PDLIM5: variants seen among roughly 807,000 people sequenced by gnomAD.
PDLIM5 encodes PDZ and LIM domain protein 5.
A neutral mutation model predicts 64.2 loss-of-function variants in PDLIM5; 34 were observed. That is an observed-to-expected ratio of 0.53 (90% confidence interval 0.40 to 0.71). The LOEUF is 0.71. PDLIM5 is among the 30% of genes least tolerant of loss of function. The pLI is 0.00. For synonymous variants in PDLIM5, 253 were observed against 269.1 expected, an observed-to-expected ratio of 0.94 and a Z score of 0.59; for missense variants, 683 against 733.6, an observed-to-expected ratio of 0.93 and a Z score of 0.80.
At chr4:94,455,855 T>G (rs1400764664) in intron 2 of PDLIM5, 1 of 1,386,916 alleles carries the variant, frequency 7.2e-7, no homozygotes, top group Non-Finnish European at 9.9e-7. Flanking sequence ...AACAGTAAGA[T>G]GGCCAAAAGC....
At chr4:94,496,801 C>T (rs1727442168) in intron 2 of PDLIM5, among the ~76,000 whole-genome samples, 1 of 152,200 alleles carries the variant, frequency 6.6e-6, no homozygotes, top group Admixed American at 6.5e-5. Flanking sequence ...CCCAGATGCA[C>T]ATTTGACCTA....
intron 3 of PDLIM5, among the ~76,000 whole-genome samples, chr4:94,560,392 T>C (rs1393730620): frequency 6.6e-6 from 1 of 152,206 alleles, no homozygotes; most frequent in African/African-American, 2.4e-5. Context: ...ACCTGAATTA[T>C]TTCATTTCTC....
At chr4:94,530,761 C>T (rs573541713) in intron 3 of PDLIM5, among the ~76,000 whole-genome samples, 455 of 152,090 alleles carry the variant, frequency 3.0e-3, no homozygotes, top group Non-Finnish European at 4.8e-3. Flanking sequence ...AAAAGATTGC[C>T]AGAGGTCCAA....
chr4:94,641,726 C>T (rs17021918), intron 9 of PDLIM5, among the ~76,000 whole-genome samples: 45,484 of 151,968 alleles, frequency 0.3, 7,112 homozygotes, highest in Non-Finnish European at 0.35. Context: ...TTGTATTTTT[C>T]AGAGTGAGCA....
At chr4:94,647,382 CAAA>C (rs76169283) in intron 9 of PDLIM5, among the ~76,000 whole-genome samples, 1 of 150,866 alleles carries the variant, frequency 6.6e-6, no homozygotes, top group African/African-American at 2.4e-5. Flanking sequence ...GATGTTAAGA[CAAA>C]AAAAATTACT....
Position 94,654,587 on chromosome 4 carries a change from T to A in PDLIM5, c.1411T>A (p.Tyr471Asn). Residue 471 changes from tyrosine to asparagine, a missense_variant, in exon 10 of 13, where the codon TAT becomes AAT. Transcript: ENST00000317968. The stretch of plus-strand genomic sequence containing the variant: ...AGGAGCCCTGTATTGTGAGCTGTGC[T>A]ATGAGAAATTCTTTGCCCCTGAATG... ...EKGALYCELC[Y>N]EKFFAPECGR... The A allele has an allele frequency of 1.9e-6, 3 of 1,612,848 alleles. No individual in the cohort carries two copies. The highest frequency in any genetic ancestry group is 2.2e-5 in the East Asian group (1 of 44,876).
chr4:94,531,302 A>G (rs1314298462), intron 3 of PDLIM5, among the ~76,000 whole-genome samples: 2 of 152,202 alleles, frequency 1.3e-5, no homozygotes, highest in Non-Finnish European at 2.9e-5. Context: ...GGAGTGGGAA[A>G]GAGGACAAAC....
At chr4:94,605,007 A>G (rs1578456955) in intron 7 of PDLIM5, among the ~76,000 whole-genome samples, 1 of 152,196 alleles carries the variant, frequency 6.6e-6, no homozygotes, top group African/African-American at 2.4e-5. Flanking sequence ...TCAAGTGAGT[A>G]TAATGTTATT....
chr4:94,490,327 T>G (rs966049831), intron 2 of PDLIM5, among the ~76,000 whole-genome samples: 5 of 152,182 alleles, frequency 3.3e-5, no homozygotes, highest in African/African-American at 1.2e-4. Context: ...ATTTTAACCC[T>G]TGATATCTGC....
chr4:94,459,620 G>T (rs536016876), intron 2 of PDLIM5, among the ~76,000 whole-genome samples: 5 of 152,182 alleles, frequency 3.3e-5, no homozygotes, highest in African/African-American at 1.2e-4. Context: ...ACAAAGGTTG[G>T]ATGGAAAAGA....
At position 94,478,685 on chromosome 4, in the gene PDLIM5, G is replaced by A. The variant is rs577147640; in HGVS notation, c.96+23301G>A. Among the ~76,000 whole-genome samples, 10 of 152,244 alleles carry A rather than the reference G, an allele frequency of 6.6e-5. 1 individual carries two copies. The South Asian group carries it at 2.1e-3, about 32-fold the overall frequency. On this transcript the variant is annotated intron_variant, in intron 2 of 12. Coordinates refer to ENST00000317968, the MANE Select transcript of PDLIM5 (RefSeq NM_006457.5). ...TTAAAGGAAGTTATTATTGTGACAA[G>A]TAGAAAATGGTTTAAACTACTATTA...
chr4:94,456,089 C>G (rs1476296516), intron 2 of PDLIM5: 1 of 870,956 alleles, frequency 1.1e-6, no homozygotes, highest in East Asian at 3.0e-5. Context: ...GTTTCACTTT[C>G]ATCACCAGTA....
intron 1 of PDLIM5, among the ~76,000 whole-genome samples, chr4:94,453,291 C>T (rs1271806622): frequency 6.6e-6 from 1 of 152,116 alleles, no homozygotes; most frequent in East Asian, 1.9e-4. Flanking sequence ...AAAATATTGC[C>T]ATTGCTTGGG....
chr4:94,548,962 C>T (rs1010926105), intron 3 of PDLIM5, among the ~76,000 whole-genome samples: 1 of 151,646 alleles, frequency 6.6e-6, no homozygotes, highest in African/African-American at 2.4e-5. Context: ...TTGAAAAAGC[C>T]ATCTAAGGTG....
intron 8 of PDLIM5, among the ~76,000 whole-genome samples, chr4:94,637,252 G>T (rs1156453762): frequency 6.6e-6 from 1 of 152,136 alleles, no homozygotes; most frequent in Non-Finnish European, 1.5e-5. Context: ...AAGGGCTGTT[G>T]TAAGGATTTA....
chr4:94,498,271 G>A (rs1727585948), intron 2 of PDLIM5, among the ~76,000 whole-genome samples: 1 of 152,148 alleles, frequency 6.6e-6, no homozygotes, highest in Non-Finnish European at 1.5e-5. Flanking sequence ...ACCCATGGCT[G>A]AAAATGAAAA....
chr4:94,499,725 G>C (rs2110079887), intron 2 of PDLIM5, among the ~76,000 whole-genome samples: 1 of 152,290 alleles, frequency 6.6e-6, no homozygotes, highest in South Asian at 2.1e-4. Context: ...GGAGGTGAGT[G>C]GCAGGTGAGT....
At chr4:94,455,717 G>A (rs1723279984) in intron 2 of PDLIM5, 2 of 1,407,708 alleles carry the variant, frequency 1.4e-6, no homozygotes, top group Non-Finnish European at 1.9e-6. Context: ...TTCAAAGGTT[G>A]TGCTATGGGA....
chr4:94,622,664 C>G (rs1257563866), intron 8 of PDLIM5, among the ~76,000 whole-genome samples: 1 of 151,074 alleles, frequency 6.6e-6, no homozygotes, highest in Non-Finnish European at 1.5e-5. Flanking sequence ...CTCCCTCCCT[C>G]CTTCTCACCT....
Sources: allele counts gnomAD v4.1 joint callset (sites outside exome capture counted in the v4.1 genomes callset), GRCh38; gene constraint gnomAD v4.1.1; transcripts MANE v1.5; gene names NCBI Gene and HGNC (gene_info 2026-07-23, HGNC 2026-07-21).